Variants in CLVS1 observed in about 807,000 individuals in gnomAD.
CLVS1 encodes clavesin 1.
Under a neutral mutation model 33.1 loss-of-function variants are expected in CLVS1, and 10 were observed. The observed-to-expected ratio is 0.30, with a 90% CI of 0.19 to 0.51. The LOEUF (loss-of-function observed/expected upper bound fraction) is 0.51. Ranked by LOEUF, CLVS1 falls within the 20% of genes least tolerant of loss-of-function variation. CLVS1 has a pLI of 0.97. For synonymous variants in CLVS1, 163 were observed against 166.1 expected (o/e 0.98, Z 0.14); for missense variants, 343 against 433.4 (o/e 0.79, Z 1.85).
intron 5 of CLVS1, among the ~76,000 whole-genome samples, chr8:61,474,408 G>A (rs1448430314): frequency 6.6e-6 from 1 of 152,212 alleles, no homozygotes; most frequent in Non-Finnish European, 1.5e-5. Flanking sequence ...TAGGATGTGA[G>A]CAGAGGGAGA....
intron 1 of CLVS1, among the ~76,000 whole-genome samples, chr8:61,296,209 TA>T (rs1810203629): frequency 6.6e-6 from 1 of 152,196 alleles, no homozygotes; most frequent in South Asian, 2.1e-4. Flanking sequence ...TATGTTATCC[TA>T]AGTTATGAAA....
At chr8:61,136,647 G>T (rs1208164603) in intron 2 of CLVS1, among the ~76,000 whole-genome samples, 1 of 152,154 alleles carries the variant, frequency 6.6e-6, no homozygotes, top group African/African-American at 2.4e-5. Context: ...AACACACATG[G>T]ACACATAGAA....
intron 2 of CLVS1, among the ~76,000 whole-genome samples, chr8:61,304,327 C>T (rs549434798): frequency 6.6e-6 from 1 of 152,356 alleles, no homozygotes; most frequent in South Asian, 2.1e-4. Context: ...TGCTTGGGTT[C>T]AACATGGCAA....
intron 1 of CLVS1, among the ~76,000 whole-genome samples, chr8:61,120,656 C>T (rs1260590926): frequency 5.1e-5 from 7 of 136,036 alleles, no homozygotes; most frequent in East Asian, 2.2e-4. Flanking sequence ...TCTGCCCCTG[C>T]TGGGGGGTGC....
chr8:61,277,973 G>A (rs2978520), intron 2 of CLVS1, among the ~76,000 whole-genome samples: 39,855 of 152,090 alleles, frequency 0.26, 6,373 homozygotes, highest in Non-Finnish European at 0.34. Context: ...GCTTGTTAAT[G>A]TAGAGTCCTC....
At chr8:61,007,153 G>A in the CLVS1 span, among the ~76,000 whole-genome samples, 13,363 of 152,290 alleles carry the variant, frequency 0.088, 787 homozygotes, top group South Asian at 0.17. Flanking sequence ...GACATTAGGA[G>A]AAGGCTGTAA....
At chr8:61,454,949 A>G (rs1443322004) in intron 4 of CLVS1, among the ~76,000 whole-genome samples, 1 of 152,230 alleles carries the variant, frequency 6.6e-6, no homozygotes, top group East Asian at 1.9e-4. Context: ...ACAGCTAATG[A>G]AAACATGTAT....
chr8:61,414,139 C>T (rs1445078425), intron 3 of CLVS1, among the ~76,000 whole-genome samples: 2 of 152,014 alleles, frequency 1.3e-5, no homozygotes, highest in African/African-American at 2.4e-5. Context: ...GCTTCCTGCC[C>T]CAAAGTGGCT....
chr8:60,979,094 A>G, the CLVS1 span, among the ~76,000 whole-genome samples: 2 of 152,202 alleles, frequency 1.3e-5, no homozygotes, highest in African/African-American at 2.4e-5. Flanking sequence ...AAGAAAGAAC[A>G]TAACAGAGTG....
chr8:61,286,838 T>C (rs887013279), upstream of CLVS1, among the ~76,000 whole-genome samples: 19 of 152,222 alleles, frequency 1.2e-4, no homozygotes, highest in African/African-American at 4.1e-4. Context: ...AATTTACCCA[T>C]AGTGATCTAA....
At chr8:61,430,712 G>C (rs1015895215) in intron 3 of CLVS1, among the ~76,000 whole-genome samples, 4 of 152,266 alleles carry the variant, frequency 2.6e-5, no homozygotes, top group Non-Finnish European at 4.4e-5. Context: ...TTAGGGTTCA[G>C]TGTGTGCCAA....
At chr8:61,079,076 G>A (rs952828924) in intron 1 of CLVS1, among the ~76,000 whole-genome samples, 1 of 152,012 alleles carries the variant, frequency 6.6e-6, no homozygotes, top group Non-Finnish European at 1.5e-5. Context: ...GACGTTATTG[G>A]GGGAAAACTC....
chr8:61,047,099 C>A, the CLVS1 span, among the ~76,000 whole-genome samples: 3 of 152,150 alleles, frequency 2.0e-5, no homozygotes, highest in East Asian at 5.8e-4. Context: ...CAGTTTTTGA[C>A]AAATTTACAA....
intron 3 of CLVS1, among the ~76,000 whole-genome samples, chr8:61,435,625 T>TAAAAAA (rs35113828): frequency 7.4e-6 from 1 of 135,040 alleles, no homozygotes; most frequent in Non-Finnish European, 1.6e-5. Flanking sequence ...ATTGTGATAG[T>TAAAAAA]AAAAAAAAAA....
chr8:61,114,106 T>C (rs530297209), intron 1 of CLVS1, among the ~76,000 whole-genome samples: 1 of 152,388 alleles, frequency 6.6e-6, no homozygotes, highest in East Asian at 1.9e-4. Context: ...TAAAACTTTA[T>C]TATGGACATT....
At chr8:61,312,219 A>G (rs1447721198) in intron 2 of CLVS1, among the ~76,000 whole-genome samples, 1 of 152,172 alleles carries the variant, frequency 6.6e-6, no homozygotes, top group Non-Finnish European at 1.5e-5. Context: ...CCTCACCTCT[A>G]TAACCACCTG....
At chr8:61,107,600 G>A (rs1483424791) in intron 1 of CLVS1, among the ~76,000 whole-genome samples, 2 of 152,340 alleles carry the variant, frequency 1.3e-5, no homozygotes, top group Admixed American at 1.3e-4. Context: ...TGGGTGTTAG[G>A]TTTCAGCATA....
chr8:61,231,182 A>G (rs1173425728), intron 2 of CLVS1, among the ~76,000 whole-genome samples: 1 of 152,188 alleles, frequency 6.6e-6, no homozygotes, highest in East Asian at 1.9e-4. Flanking sequence ...AGCCAGGCCA[A>G]TACCCATGAG....
chr8:61,103,855 A>T (rs918290793), intron 1 of CLVS1, among the ~76,000 whole-genome samples: 6 of 152,220 alleles, frequency 3.9e-5, no homozygotes, highest in African/African-American at 1.4e-4. Flanking sequence ...TGCAAACATT[A>T]GGGGTCTATT....
Sources: allele counts gnomAD v4.1 joint callset (sites outside exome capture counted in the v4.1 genomes callset), GRCh38; gene constraint gnomAD v4.1.1; transcripts MANE v1.5; gene names NCBI Gene and HGNC (gene_info 2026-07-23, HGNC 2026-07-21).